IGSF21: variants seen among roughly 807,000 people sequenced by gnomAD.
IGSF21 encodes the protein immunoglobulin superfamily member 21.
In IGSF21, 28 loss-of-function variants were observed where a neutral mutation model predicts 46.8. The observed-to-expected ratio is 0.60, with a 90% confidence interval of 0.44 to 0.82. The LOEUF (loss-of-function observed/expected upper bound fraction) is 0.82. Among genes scored for constraint, IGSF21 ranks in the 40% least tolerant of loss-of-function variants. The pLI, the probability that IGSF21 is intolerant of heterozygous loss-of-function variation, is 0.00. For missense variants in IGSF21, 624 were observed against 665.5 expected (o/e 0.94, Z 0.69); for synonymous variants, 284 against 273.6 (o/e 1.04, Z -0.38).
chr1:18,335,308 A>T lies in IGSF21; in HGVS notation c.424+298A>T, dbSNP rs1440344646. On this transcript the variant is annotated intron_variant, in intron 4 of 9. Transcript: ENST00000251296. The surrounding 1 kb of genome is among the most constrained non-coding windows in gnomAD (Gnocchi z 4.8). ...GGATAGCACCTCAGCCGAGATGCAC[A>T]CCTGCTGCAGAGGGAACTATTCTGC... Among the ~76,000 whole-genome samples, 1 of 152,158 alleles carries T rather than the reference A, an allele frequency of 6.6e-6. No individual in the cohort carries two copies. The highest frequency in any genetic ancestry group is 2.4e-5 in the African/African-American group (1 of 41,428).
chr1:18,263,539 G>A (rs2084965553), intron 2 of IGSF21, among the ~76,000 whole-genome samples: 1 of 152,134 alleles, frequency 6.6e-6, no homozygotes, highest in Admixed American at 6.6e-5. Context: ...AATCTATTCA[G>A]TTATCTCTGG....
chr1:18,108,549 G>A (rs2086112950), intron 1 of IGSF21, among the ~76,000 whole-genome samples: 1 of 151,736 alleles, frequency 6.6e-6, no homozygotes, highest in Admixed American at 6.6e-5. Context: ...GTGTGAGTGA[G>A]CGAGGGTCTG....
chr1:18,266,948 G>C lies in IGSF21; in HGVS notation c.184-24918G>C, dbSNP rs1293261851. 9.1e-3 allele frequency among the ~76,000 whole-genome samples: 1,382 copies of C among 152,262 alleles called. 24 individuals carry two copies. Among genetic ancestry groups the C allele is most frequent in the African/African-American group, 0.028 (1,163 of 41,550 alleles). ...GGGAGACCCAGCAAATGGGGTCAAT[G>C]AAAGCTCTCTGCTTTCAGGAACTTC... On this transcript the variant is annotated intron_variant, in intron 2 of 9. Transcript: ENST00000251296.
At chr1:18,113,194 G>A (rs2086157888) in intron 1 of IGSF21, 1 of 152,160 alleles carries the variant, frequency 6.6e-6, no homozygotes, top group Non-Finnish European at 1.5e-5. Context: ...AATGTCAGTG[G>A]TGGTAAAACA....
At chr1:18,289,057 T>C (rs1443519980) in intron 2 of IGSF21, among the ~76,000 whole-genome samples, 1 of 152,112 alleles carries the variant, frequency 6.6e-6, no homozygotes, top group Non-Finnish European at 1.5e-5. Context: ...TGTGTGGATG[T>C]GTGGGGTGTG....
chr1:18,146,698 AGGGTCCC>A (rs1358890617), intron 1 of IGSF21, among the ~76,000 whole-genome samples: 1 of 152,142 alleles, frequency 6.6e-6, no homozygotes, highest in East Asian at 1.9e-4. Flanking sequence ...GGAGCCACCG[AGGGTCCC>A]GGGTGAGACC....
At chr1:18,305,009 C>T (rs1305238005) in intron 3 of IGSF21, among the ~76,000 whole-genome samples, 2 of 152,112 alleles carry the variant, frequency 1.3e-5, no homozygotes, top group African/African-American at 4.8e-5. Flanking sequence ...AGAATCTTTG[C>T]CTTGGAAGAT....
At chr1:18,240,049 G>A (rs1451478233) in intron 2 of IGSF21, among the ~76,000 whole-genome samples, 1 of 152,184 alleles carries the variant, frequency 6.6e-6, no homozygotes, top group East Asian at 1.9e-4. Context: ...AAGCTGAGAA[G>A]GATAGATCGC....
intron 4 of IGSF21, among the ~76,000 whole-genome samples, chr1:18,350,530 A>T (rs545189600): frequency 1.3e-5 from 2 of 152,324 alleles, no homozygotes; most frequent in Admixed American, 6.5e-5. Flanking sequence ...ACGCAGTTCA[A>T]TGTTCATTGC....
At chr1:18,142,345 G>A (rs375455044) in intron 1 of IGSF21, among the ~76,000 whole-genome samples, 1 of 152,132 alleles carries the variant, frequency 6.6e-6, no homozygotes, top group Non-Finnish European at 1.5e-5. Context: ...TCAATTAACT[G>A]GTCCAACCGG....
rs563387824 is a variant in IGSF21 at position 18,308,920 on chromosome 1, G to A, written c.305+16933G>A. 4.6e-3 allele frequency among the ~76,000 whole-genome samples: 697 copies of A among 152,252 alleles called. 2 individuals are homozygous for A. The highest frequency in any genetic ancestry group is 0.016 in the African/African-American group (666 of 41,564). On this transcript the variant is annotated intron_variant, in intron 3 of 9. Transcript: ENST00000251296. ...TGGGGCCTGGCAAGCCCAGGCCAGG[G>A]CACTCACAGGTGCAGCCTGGAGCTG...
intron 3 of IGSF21, among the ~76,000 whole-genome samples, chr1:18,324,286 C>G (rs1170024814): frequency 2.0e-5 from 3 of 152,192 alleles, no homozygotes; most frequent in African/African-American, 7.2e-5. Context: ...GAAAAGAGCA[C>G]CATGTATTTC....
intron 2 of IGSF21, among the ~76,000 whole-genome samples, chr1:18,287,195 A>AATC (rs1557625765): frequency 1.0e-4 from 1 of 9,960 alleles, no homozygotes; most frequent in African/African-American, 1.4e-4. Flanking sequence ...AAAAAAAATA[A>AATC]AATAAATAAA....
chr1:18,362,570 G>A (rs142780266), intron 5 of IGSF21, among the ~76,000 whole-genome samples: 405 of 152,268 alleles, frequency 2.7e-3, no homozygotes, highest in African/African-American at 9.1e-3. Flanking sequence ...AGGGGGCCCC[G>A]AGAGGAAAAG....
At chr1:18,356,613 T>C (rs1446091290) in intron 4 of IGSF21, among the ~76,000 whole-genome samples, 3 of 152,230 alleles carry the variant, frequency 2.0e-5, no homozygotes, top group African/African-American at 4.8e-5. Context: ...CCACCTTTGA[T>C]TGAACACTTC....
intron 1 of IGSF21, chr1:18,111,430 T>C (rs2086144428): frequency 6.6e-6 from 1 of 152,228 alleles, no homozygotes; most frequent in African/African-American, 2.4e-5. Context: ...CTTTTTCTTT[T>C]AAGTAGGAAA....
At chr1:18,374,080 C>T (rs967110382) in intron 6 of IGSF21, among the ~76,000 whole-genome samples, 10 of 152,284 alleles carry the variant, frequency 6.6e-5, no homozygotes, top group South Asian at 2.1e-4. Context: ...TGCCCTTCAG[C>T]GCCCTCTCCT....
chr1:18,245,579 T>C (rs1322227173), intron 2 of IGSF21, among the ~76,000 whole-genome samples: 2 of 152,186 alleles, frequency 1.3e-5, no homozygotes, highest in Non-Finnish European at 2.9e-5. Flanking sequence ...TTAATAAGCA[T>C]GTAGTGCTTT....
At chr1:18,135,832 A>G (rs1463617564) in intron 1 of IGSF21, among the ~76,000 whole-genome samples, 1 of 152,186 alleles carries the variant, frequency 6.6e-6, no homozygotes, top group Non-Finnish European at 1.5e-5. Flanking sequence ...CTGAGGAATC[A>G]CCACACCGAC....
Sources: allele counts gnomAD v4.1 joint callset (sites outside exome capture counted in the v4.1 genomes callset), GRCh38; gene constraint gnomAD v4.1.1; non-coding constraint Gnocchi (gnomAD v3.1); transcripts MANE v1.5; gene names NCBI Gene and HGNC (gene_info 2026-07-23, HGNC 2026-07-21).